Variants in RELL2 observed in about 807,000 individuals in gnomAD.
RELL2 encodes RELT-like protein 2.
A neutral mutation model predicts 27.5 loss-of-function variants in RELL2; 18 were observed. The ratio of observed to expected loss-of-function variants is 0.65; its 90% CI spans 0.45 to 0.97. The LOEUF (loss-of-function observed/expected upper bound fraction) is 0.97, where lower values mean the gene tolerates loss of function less well. Among genes scored for constraint, RELL2 ranks in the 50% least tolerant of loss-of-function variants. The pLI is 0.00. For missense variants in RELL2, 370 were observed against 397.5 expected, an observed-to-expected ratio of 0.93 and a Z score of 0.59; for synonymous variants, 156 against 147.5, an observed-to-expected ratio of 1.06 and a Z score of -0.42.
At position 141,639,667 on chromosome 5, in the gene RELL2, G is replaced by A; in HGVS notation, c.503+18G>A. ...GTGGGCAGGTGGGGCAGGTGCTCCAGGGAAAGGGGGGCTGAGGTAGGGGGC... is the reference window on the plus strand; with the variant it reads ...GTGGGCAGGTGGGGCAGGTGCTCCAAGGAAAGGGGGGCTGAGGTAGGGGGC... On this transcript the variant is annotated intron_variant, in intron 4 of 6. Transcript: ENST00000297164. This position sits in a 1 kb window ranked among gnomAD's most constrained non-coding sequence, Gnocchi z 4.4. 3 of 1,584,596 alleles carry A rather than the reference G, an allele frequency of 1.9e-6. No homozygotes were observed. The highest frequency in any genetic ancestry group is 2.6e-6 in the Non-Finnish European group (3 of 1,165,044).
At chr5:141,640,628 G>A in intron 6 of RELL2, 43 bp from the exon 7 acceptor site, 1 of 1,539,318 alleles carries the variant, frequency 6.5e-7, no homozygotes, top group Non-Finnish European at 8.7e-7. Context: ...GCTGGACACA[G>A]CTTGAACAGG....
chr5:141,639,595 A>G lies in RELL2; in HGVS notation c.449A>G (p.Lys150Arg). ...RPPLVRQGRSKEGKSRPRTGE... is the reference protein window; with the variant it reads ...RPPLVRQGRSREGKSRPRTGE... ...CCACTTGTCCGTCAGGGACGCTCCA[A>G]GGAAGGAAAAAGCCGCCCCCGGACA... The change falls in exon 4 of 7, where the codon AAG becomes AGG. Residue 150 changes from lysine (K) to arginine (R), a missense_variant. Physicochemically the swap from Lys to Arg is conservative, Grantham distance 26. Transcript: ENST00000297164. The surrounding 1 kb of genome is among the most constrained non-coding windows in gnomAD (Gnocchi z 4.4). The G allele has an allele frequency of 1.9e-6, 3 of 1,613,874 alleles. No individual in the cohort carries two copies. Among genetic ancestry groups the G allele is most frequent in the Non-Finnish European group, 2.5e-6 (3 of 1,179,964 alleles).
chr5:141,639,492 G>T lies in RELL2; in HGVS notation c.346G>T (p.Gly116Ter). The T allele has an allele frequency of 6.2e-7, 1 of 1,613,692 alleles. No homozygotes were observed. The highest frequency in any genetic ancestry group is 8.5e-7 in the Non-Finnish European group (1 of 1,179,790). Residue 116 changes from glycine (G) to a stop codon, truncating the protein, a stop_gained, in exon 4 of 7, where the codon GGA (glycine) becomes TGA (stop). Transcript: ENST00000297164. LOFTEE classifies it high-confidence loss of function. This position sits in a 1 kb window ranked among gnomAD's most constrained non-coding sequence, Gnocchi z 4.4. Reference protein sequence around the residue: ...SVDATSSLQDGAPSHHHTVHL... With the variant: ...SVDATSSLQD Reference sequence around the variant, plus strand: ...GGATGCCACCTCCAGCCTGCAGGACGGAGCCCCCTCCCATCATCACACAGT... The same window carrying T: ...GGATGCCACCTCCAGCCTGCAGGACTGAGCCCCCTCCCATCATCACACAGT...
Position 141,638,856 on chromosome 5 carries a change from TGAA to T in RELL2, c.248_250del (p.Glu83del). On this transcript the variant is annotated inframe_deletion and splice_region_variant, in exon 2 of 7. Coordinates refer to ENST00000297164, the MANE Select transcript of RELL2 (RefSeq NM_173828.5). ...GGATTGTTCGCTGCATCATCCAGAATGAAGGTGGGTCTAGCATAGCCCCTTGCT... is the reference window on the plus strand; with the variant it reads ...GGATTGTTCGCTGCATCATCCAGAATGGTGGGTCTAGCATAGCCCCTTGCT... The T allele has an allele frequency of 6.2e-7, 1 of 1,614,086 alleles. No homozygotes were observed. The highest frequency in any genetic ancestry group is 1.1e-5 in the South Asian group (1 of 91,088).
chr5:141,637,099 A>C lies in RELL2; in HGVS notation c.-1127A>C. On this transcript the variant is annotated 5_prime_UTR_variant, in exon 1 of 7. Transcript: ENST00000297164. ...GATCCTCGGGAAGCCGAGCCATCCC[A>C]TCCAGCCGCTTGCCCCAAACCGGGC... is the stretch of plus-strand genomic sequence containing the variant. The C allele has an allele frequency of 3.4e-6, 1 of 297,842 alleles. No homozygotes were observed. The highest frequency in any genetic ancestry group is 6.2e-6 in the Non-Finnish European group (1 of 161,842). 18.4% of individuals were successfully genotyped at this position (297,842 alleles called of 1,614,324 possible).
rs1341157157 is a variant in RELL2 at position 141,637,790 on chromosome 5, G to C, written c.-436G>C. The C allele has an allele frequency of 6.2e-6, 1 of 161,426 alleles. No homozygotes were observed. The allele number at this position is 161,426 out of a possible 1,614,324, so 10.0% of individuals were successfully genotyped here. A position where few individuals can be genotyped will look rare whatever the true frequency, so the allele number is the denominator to read the frequency against. On this transcript the variant is annotated 5_prime_UTR_variant, in exon 1 of 7. Coordinates refer to ENST00000297164, the MANE Select transcript of RELL2 (RefSeq NM_173828.5). ...GGGTGGGAGAAACCAAAAAGGGAGA[G>C]GGGTGCGGGAGTACTGAGAGGAAGG...
intron 6 of RELL2, 54 bp from the exon 7 acceptor site, chr5:141,640,617 A>G: frequency 6.5e-7 from 1 of 1,539,522 alleles, no homozygotes; most frequent in Non-Finnish European, 8.7e-7. Flanking sequence ...CCAGGGGAAA[A>G]GCTGGACACA....
At position 141,640,211 on chromosome 5, in the gene RELL2, G is replaced by A. The variant is rs1252704246; in HGVS notation, c.795G>A (p.Arg265=). The change falls in exon 5 of 7, where the codon AGG becomes AGA. Residue 265 remains arginine, a synonymous_variant. Transcript: ENST00000297164. ...NPRASAEPTL[R]AGGRGPSPGL... ...GAGCTTCTGCAGAGCCAACACTGAG[G>A]GCCGGAGGGAGGGGCCCAAGCCCAG... The A allele has an allele frequency of 1.2e-6, 2 of 1,614,172 alleles. No homozygotes were observed. Among genetic ancestry groups the A allele is most frequent in the East Asian group, 2.2e-5 (1 of 44,878 alleles).
rs2099906174 is a variant in RELL2 at position 141,637,242 on chromosome 5, G to C, written c.-984G>C. 1 of 160,210 alleles carries C rather than the reference G, an allele frequency of 6.2e-6. No homozygotes were observed. Among genetic ancestry groups the C allele is most frequent in the Admixed American group, 6.5e-5 (1 of 15,436 alleles). 9.9% of individuals were successfully genotyped at this position (160,210 alleles called of 1,614,324 possible). A position where few individuals can be genotyped will look rare whatever the true frequency, so the allele number is the denominator to read the frequency against. Reference sequence around the variant, plus strand: ...AAGATTCCTGACTCTCCGCTCGGTCGGGGCATCTGAGGGCAGGAGCTGCGC... The same window carrying C: ...AAGATTCCTGACTCTCCGCTCGGTCCGGGCATCTGAGGGCAGGAGCTGCGC... On this transcript the variant is annotated 5_prime_UTR_variant, in exon 1 of 7. Coordinates refer to ENST00000297164, the MANE Select transcript of RELL2 (RefSeq NM_173828.5).
intron 6 of RELL2, 48 bp from the exon 7 acceptor site, chr5:141,640,623 A>T (rs2099906753): frequency 6.5e-7 from 1 of 1,539,616 alleles, no homozygotes; most frequent in Admixed American, 2.0e-5. Context: ...GAAAAGCTGG[A>T]CACAGCTTGA....
rs1392587941 is a variant in RELL2, at chr5:141,640,841, C to CAA, written c.*173_*174insAA. The CAA allele has an allele frequency of 1.6e-6, 1 of 631,262 alleles. No individual in the cohort carries two copies. Among genetic ancestry groups the CAA allele is most frequent in the Admixed American group, 3.0e-5 (1 of 33,460 alleles). 39.1% of individuals were successfully genotyped at this position (631,262 alleles called of 1,614,324 possible). A position where few individuals can be genotyped will look rare whatever the true frequency, so the allele number is the denominator to read the frequency against. On this transcript the variant is annotated 3_prime_UTR_variant, in exon 7 of 7. Coordinates refer to ENST00000297164, the MANE Select transcript of RELL2 (RefSeq NM_173828.5). ...GGCCTCAGGAGAGGTCACAGCCCCT[C>CAA]AGTCTCTTCTCCTTCCCCTGCCTGC...
chr5:141,637,991 C>A lies in RELL2; in HGVS notation c.-235C>A, dbSNP rs1342022581. 5 of 478,662 alleles carry A rather than the reference C, an allele frequency of 1.0e-5. No homozygotes were observed. The East Asian group carries it at 1.4e-4, about 13-fold the overall frequency. The allele number at this position is 478,662 out of a possible 1,614,324, so 29.7% of individuals were successfully genotyped here. On this transcript the variant is annotated 5_prime_UTR_variant, in exon 1 of 7. Transcript: ENST00000297164. Reference sequence around the variant, plus strand: ...CGCTCGGGGCGTCGGGGAAGCGGGACCAGGGTCGTGGTAGAGAGCTTGCGT... The same window carrying A: ...CGCTCGGGGCGTCGGGGAAGCGGGAACAGGGTCGTGGTAGAGAGCTTGCGT...
In RELL2 at chr5:141,638,312, C is replaced by T. The variant is rs767419911; in HGVS notation, c.87C>T (p.Gly29=). The change falls in exon 1 of 7, where the codon GGC becomes GGT. Residue 29 remains glycine, a synonymous_variant. Transcript: ENST00000297164. The part of the protein sequence containing the change: ...FLLVLVFFLM[G]LVGFMICHVL... Reference sequence around the variant, plus strand: ...TTGTGCTGGTCTTCTTCCTCATGGGCCTGGTAGGCTTCATGATCTGCCACG... The same window carrying T: ...TTGTGCTGGTCTTCTTCCTCATGGGTCTGGTAGGCTTCATGATCTGCCACG... The T allele has an allele frequency of 1.4e-5, 22 of 1,613,824 alleles. No homozygotes were observed. The Admixed American group carries it at 3.5e-4, about 26-fold the overall frequency.
chr5:141,639,220 A>AT lies in RELL2; in HGVS notation c.317+199_317+200insT. 2 of 617,712 alleles carry AT rather than the reference A, an allele frequency of 3.2e-6. No homozygotes were observed. The highest frequency in any genetic ancestry group is 5.5e-5 in the East Asian group (2 of 36,388). 38.3% of individuals were successfully genotyped at this position (617,712 alleles called of 1,614,324 possible). A position where few individuals can be genotyped will look rare whatever the true frequency, so the allele number is the denominator to read the frequency against. On this transcript the variant is annotated intron_variant, in intron 3 of 6. Transcript: ENST00000297164. The surrounding 1 kb of genome is among the most constrained non-coding windows in gnomAD (Gnocchi z 4.4). ...TCTCATCTAGATATCATCAAGCCTA[A>AT]CATTCACCTCTAGTGCCACTCCTTT... is the stretch of plus-strand genomic sequence containing the variant.
rs1264046313 is a variant in RELL2, at chr5:141,639,717, A to T, written c.503+68A>T. The T allele has an allele frequency of 6.8e-7, 1 of 1,470,028 alleles. No homozygotes were observed. Among genetic ancestry groups the T allele is most frequent in the Non-Finnish European group, 9.3e-7 (1 of 1,080,610 alleles). 91.1% of individuals were successfully genotyped at this position (1,470,028 alleles called of 1,614,324 possible). A position where few individuals can be genotyped will look rare whatever the true frequency, so the allele number is the denominator to read the frequency against. ...CCCAGTGATCAGGCACCTGATCCCA[A>T]AAGTGGGCCTTGGCTCTTTCCTCCT... On this transcript the variant is annotated intron_variant, in intron 4 of 6. Transcript: ENST00000297164. The surrounding 1 kb of genome is among the most constrained non-coding windows in gnomAD (Gnocchi z 4.4).
chr5:141,637,930 G>A lies in RELL2; in HGVS notation c.-296G>A, dbSNP rs1417921595. 2 of 360,346 alleles carry A rather than the reference G, an allele frequency of 5.6e-6. No individual in the cohort carries two copies. The highest frequency in any genetic ancestry group is 4.4e-5 in the Admixed American group (1 of 22,596). 22.3% of individuals were successfully genotyped at this position (360,346 alleles called of 1,614,324 possible). A position where few individuals can be genotyped will look rare whatever the true frequency, so the allele number is the denominator to read the frequency against. ...CCCATCTCGTGCTGCAGTGTCCTTG[G>A]GAGGGACAGAAGCGCGAACAAGCTG... is the stretch of plus-strand genomic sequence containing the variant. On this transcript the variant is annotated 5_prime_UTR_variant, in exon 1 of 7. It introduces an in-frame stop codon into an upstream open reading frame of the 5' UTR. Coordinates refer to ENST00000297164, the MANE Select transcript of RELL2 (RefSeq NM_173828.5).
In RELL2 at chr5:141,640,745, C is replaced by T; in HGVS notation, c.*76C>T. 1 of 1,348,594 alleles carries T rather than the reference C, an allele frequency of 7.4e-7. No individual in the cohort carries two copies. Among genetic ancestry groups the T allele is most frequent in the Non-Finnish European group, 1.0e-6 (1 of 989,940 alleles). The allele number at this position is 1,348,594 out of a possible 1,614,324, so 83.5% of individuals were successfully genotyped here. A position where few individuals can be genotyped will look rare whatever the true frequency, so the allele number is the denominator to read the frequency against. ...GTGGGCGTGAAAGCCCTCCCCTCCA[C>T]TGGACAGCACTGCCCCCCAGCTGAG... On this transcript the variant is annotated 3_prime_UTR_variant, in exon 7 of 7. Transcript: ENST00000297164.
chr5:141,640,365 G>C, intron 5 of RELL2, 47 bp from the exon 6 acceptor site: 1 of 1,614,108 alleles, frequency 6.2e-7, no homozygotes, highest in Non-Finnish European at 8.5e-7. Flanking sequence ...GGCACTGATA[G>C]GACCTACTCC....
intron 2 of RELL2, 37 bp downstream of exon 2, chr5:141,638,897 A>G (rs1027522651): frequency 2.4e-5 from 39 of 1,612,824 alleles, no homozygotes; most frequent in East Asian, 4.5e-5. Flanking sequence ...CTCTTCTCCA[A>G]CCTTCTCTTG....
Sources: allele counts gnomAD v4.1 joint callset, GRCh38; gene constraint gnomAD v4.1.1; non-coding constraint Gnocchi (gnomAD v3.1); transcripts MANE v1.5; gene names NCBI Gene and HGNC (gene_info 2026-07-23, HGNC 2026-07-21).